The following TMEM163 variants were observed in gnomAD, a reference collection of about 807,000 sequenced individuals.
TMEM163 encodes the protein transmembrane protein 163.
In TMEM163, 17 loss-of-function variants were observed where a neutral mutation model predicts 29.3. That is an observed-to-expected ratio of 0.58 (90% CI 0.40 to 0.87). TMEM163 has a LOEUF of 0.87. Among genes scored for constraint, TMEM163 ranks in the 40% least tolerant of loss-of-function variants. TMEM163 has a pLI of 0.00. For synonymous variants in TMEM163, 157 were observed against 160.6 expected (o/e 0.98, Z 0.17); for missense variants, 303 against 381.5 (o/e 0.79, Z 1.71).
chr2:134,583,565 G>A (rs777402429), intron 2 of TMEM163, among the ~76,000 whole-genome samples: 2 of 152,154 alleles, frequency 1.3e-5, no homozygotes, highest in Admixed American at 6.5e-5. Context: ...ATCTACAATC[G>A]AGAAAGAACT....
chr2:134,593,757 G>A (rs973526959), intron 2 of TMEM163, among the ~76,000 whole-genome samples: 3 of 152,046 alleles, frequency 2.0e-5, no homozygotes, highest in African/African-American at 7.2e-5. Context: ...CATTTCTATG[G>A]CCTAAAAGCT....
At chr2:134,706,305 C>T (rs1684810419) in intron 2 of TMEM163, among the ~76,000 whole-genome samples, 1 of 152,140 alleles carries the variant, frequency 6.6e-6, no homozygotes, top group South Asian at 2.1e-4. Context: ...GGATCTCTAC[C>T]TGCAAATGTA....
At chr2:134,666,208 G>A (rs747078352) in intron 2 of TMEM163, among the ~76,000 whole-genome samples, 10 of 151,864 alleles carry the variant, frequency 6.6e-5, no homozygotes, top group Non-Finnish European at 1.2e-4. Flanking sequence ...CACAACAGCC[G>A]ACTTCTGCCT....
chr2:134,492,363 T>G (rs1214738075), intron 5 of TMEM163, among the ~76,000 whole-genome samples: 2 of 152,350 alleles, frequency 1.3e-5, no homozygotes, highest in Non-Finnish European at 1.5e-5. Flanking sequence ...CCTCATATAC[T>G]TAAAGTATAC....
At chr2:134,516,702 T>TA (rs1680070446) in intron 4 of TMEM163, among the ~76,000 whole-genome samples, 2 of 104,496 alleles carry the variant, frequency 1.9e-5, no homozygotes, top group Non-Finnish European at 4.4e-5. Flanking sequence ...TATGCATATA[T>TA]TCATATATAC....
At chr2:134,509,221 T>C (rs1014594308) in intron 4 of TMEM163, among the ~76,000 whole-genome samples, 1 of 152,230 alleles carries the variant, frequency 6.6e-6, no homozygotes, top group Admixed American at 6.5e-5. Flanking sequence ...TTACTGCAAC[T>C]GAAGAAATGA....
intron 2 of TMEM163, among the ~76,000 whole-genome samples, chr2:134,675,710 C>A (rs1368016796): frequency 6.6e-6 from 1 of 152,194 alleles, no homozygotes; most frequent in Non-Finnish European, 1.5e-5. Context: ...CAAATTTCAT[C>A]CAGAGCTCCC....
intron 2 of TMEM163, among the ~76,000 whole-genome samples, chr2:134,631,127 TA>T (rs1414094731): frequency 6.6e-6 from 1 of 152,148 alleles, no homozygotes; most frequent in East Asian, 1.9e-4. Context: ...ATGCTTCTAA[TA>T]AAAAGGAAAA....
At chr2:134,696,551 T>A (rs1684586540) in intron 2 of TMEM163, among the ~76,000 whole-genome samples, 1 of 152,190 alleles carries the variant, frequency 6.6e-6, no homozygotes, top group African/African-American at 2.4e-5. Context: ...TCTATTCAGA[T>A]CTTATTTTAT....
intron 2 of TMEM163, among the ~76,000 whole-genome samples, chr2:134,634,134 AG>A (rs1683050957): frequency 6.6e-6 from 1 of 151,678 alleles, no homozygotes; most frequent in Non-Finnish European, 1.5e-5. Context: ...AGGCAGCAAA[AG>A]TTCAAGTATG....
intron 2 of TMEM163, among the ~76,000 whole-genome samples, chr2:134,552,447 C>T (rs1048652669): frequency 2.0e-5 from 3 of 151,978 alleles, no homozygotes; most frequent in South Asian, 4.2e-4. Context: ...CAAACTGTTC[C>T]CATAATAAGG....
chr2:134,668,780 CA>C (rs567016981), intron 2 of TMEM163, among the ~76,000 whole-genome samples: 2 of 151,870 alleles, frequency 1.3e-5, no homozygotes, highest in African/African-American at 4.8e-5. Flanking sequence ...CACACACACA[CA>C]AAAAAAATCT....
chr2:134,683,294 C>T (rs1209100331), intron 2 of TMEM163, among the ~76,000 whole-genome samples: 1 of 151,954 alleles, frequency 6.6e-6, no homozygotes, highest in African/African-American at 2.4e-5. Context: ...GTAACAAATG[C>T]ACCACTCTGG....
At chr2:134,674,463 C>A (rs1191832002) in intron 2 of TMEM163, among the ~76,000 whole-genome samples, 4 of 149,870 alleles carry the variant, frequency 2.7e-5, no homozygotes, top group Non-Finnish European at 5.9e-5. Flanking sequence ...CCTGCCTCAG[C>A]CTCCCAAGTA....
chr2:134,599,373 G>T (rs192965972), intron 2 of TMEM163, among the ~76,000 whole-genome samples: 1 of 152,262 alleles, frequency 6.6e-6, no homozygotes, highest in East Asian at 1.9e-4. Flanking sequence ...GTGTTAGAAG[G>T]TGAGGACTTT....
chr2:134,458,328 G>A (rs528072399), intron 6 of TMEM163, 155 bp from the exon 7 acceptor site: 2 of 810,300 alleles, frequency 2.5e-6, no homozygotes, highest in African/African-American at 1.7e-5. Context: ...GGCCCATCAA[G>A]TCTCTGCTCA....
At chr2:134,592,630 G>A (rs1295961182) in intron 2 of TMEM163, among the ~76,000 whole-genome samples, 1 of 152,154 alleles carries the variant, frequency 6.6e-6, no homozygotes, top group Non-Finnish European at 1.5e-5. Context: ...CAGGAAGTCT[G>A]TTTTCAGATT....
intron 2 of TMEM163, among the ~76,000 whole-genome samples, chr2:134,565,191 T>G (rs1681272668): frequency 6.7e-6 from 1 of 149,486 alleles, no homozygotes; most frequent in East Asian, 1.9e-4. Flanking sequence ...TGATCTGAGA[T>G]CACAACACTG....
At chr2:134,540,146 C>G (rs1167069236) in intron 4 of TMEM163, among the ~76,000 whole-genome samples, 1 of 152,230 alleles carries the variant, frequency 6.6e-6, no homozygotes, top group African/African-American at 2.4e-5. Context: ...ATAGAACACT[C>G]TCCTTTTGGC....
Sources: allele counts gnomAD v4.1 joint callset (sites outside exome capture counted in the v4.1 genomes callset), GRCh38; gene constraint gnomAD v4.1.1; transcripts MANE v1.5; gene names NCBI Gene and HGNC (gene_info 2026-07-23, HGNC 2026-07-21).